CSMD2: variants seen among roughly 807,000 people sequenced by gnomAD.
CSMD2 encodes the protein CUB and sushi domain-containing protein 2.
CSMD2 carries 130 observed loss-of-function variants against 398.5 expected under a neutral mutation model. That is an observed-to-expected ratio of 0.33 (90% CI 0.28 to 0.38). The LOEUF (loss-of-function observed/expected upper bound fraction) is 0.38. Among genes scored for constraint, CSMD2 ranks in the 10% least tolerant of loss-of-function variants. The pLI is 1.00. For missense variants in CSMD2, 3,829 were observed against 4,764.9 expected (o/e 0.80, Z 5.78); for synonymous variants, 1,828 against 1,908.5 (o/e 0.96, Z 1.10).
At chr1:33,881,505 G>A (rs7554118) in intron 5 of CSMD2, among the ~76,000 whole-genome samples, 19,527 of 152,028 alleles carry the variant, frequency 0.13, 1,853 homozygotes, top group African/African-American at 0.27. Flanking sequence ...GCATAGTTAT[G>A]GTGTGTTTAC....
chr1:33,931,332 G>A (rs1283585742), intron 4 of CSMD2, among the ~76,000 whole-genome samples: 3 of 152,196 alleles, frequency 2.0e-5, no homozygotes, highest in Non-Finnish European at 2.9e-5. Context: ...TGTATGGTGG[G>A]TACCCTTTGT....
At chr1:33,898,280 A>G (rs1399349225) in intron 5 of CSMD2, among the ~76,000 whole-genome samples, 1 of 152,244 alleles carries the variant, frequency 6.6e-6, no homozygotes, top group African/African-American at 2.4e-5. Flanking sequence ...CCGAAGAGAT[A>G]AAGCACTGCA....
At chr1:33,904,475 C>T (rs941769235) in intron 5 of CSMD2, among the ~76,000 whole-genome samples, 2 of 152,204 alleles carry the variant, frequency 1.3e-5, no homozygotes, top group Non-Finnish European at 2.9e-5. Flanking sequence ...CTTGTCGCTA[C>T]TGTTCCATTT....
chr1:33,633,483 C>T lies in CSMD2; in HGVS notation c.5139G>A (p.Glu1713=), dbSNP rs1374063848. 1.3e-5 allele frequency: 20 copies of T among 1,554,444 alleles called. No homozygotes were observed. The highest frequency in any genetic ancestry group is 2.4e-5 in the East Asian group (1 of 41,312). Residue 1713 remains glutamate, a synonymous_variant, in exon 32 of 71, where the codon GAG becomes GAA. Transcript: ENST00000373381. The surrounding 1 kb of genome is among the most constrained non-coding windows in gnomAD (Gnocchi z 5.0). The part of the protein sequence containing the change: ...FFHTALNDVV[E]VHDGHSQHSR... ...AGTGCTGGCTGTGGCCGTCGTGAAC[C>T]TCCACCACGTCGTTGAGGGCCGTGT...
At chr1:33,665,132 G>A (rs1376413034) in intron 25 of CSMD2, among the ~76,000 whole-genome samples, 1 of 152,132 alleles carries the variant, frequency 6.6e-6, no homozygotes, top group East Asian at 1.9e-4. Flanking sequence ...CTTAATTGAT[G>A]GATGCAAACT....
intron 2 of CSMD2, among the ~76,000 whole-genome samples, chr1:34,066,718 A>G (rs999104337): frequency 6.6e-6 from 1 of 152,084 alleles, no homozygotes; most frequent in East Asian, 1.9e-4. Flanking sequence ...TGGACCAGCC[A>G]GGGGGTTGGG....
intron 3 of CSMD2, among the ~76,000 whole-genome samples, chr1:34,029,137 C>A (rs938252437): frequency 1.3e-5 from 2 of 152,134 alleles, no homozygotes; most frequent in Non-Finnish European, 2.9e-5. Context: ...TATAAGGAAA[C>A]CATCCTGACT....
chr1:33,523,861 C>T (rs986793735), intron 66 of CSMD2, among the ~76,000 whole-genome samples: 4 of 152,152 alleles, frequency 2.6e-5, no homozygotes, highest in Non-Finnish European at 5.9e-5. Context: ...CGTATGAATG[C>T]GTAGATAGGA....
intron 3 of CSMD2, among the ~76,000 whole-genome samples, chr1:34,005,133 G>A (rs1474375971): frequency 2.0e-5 from 3 of 152,146 alleles, no homozygotes; most frequent in Non-Finnish European, 2.9e-5. Context: ...AATTAGATAC[G>A]AGAGAGAGAA....
Position 33,546,087 on chromosome 1 carries a change from C to T in CSMD2, c.9050G>A (p.Arg3017His), listed in dbSNP as rs141501767. 1.9e-6 allele frequency: 3 copies of T among 1,613,960 alleles called. No individual in the cohort carries two copies. The highest frequency in any genetic ancestry group is 2.2e-5 in the East Asian group (1 of 44,896). Residue 3017 changes from arginine to histidine, a missense_variant, in exon 57 of 71, where the codon CGC (arginine) becomes CAC (histidine). Physicochemically the swap from Arg to His is conservative, Grantham distance 29. Around this residue, in one of 5 missense-constraint regions of CSMD2, gnomAD observed 917 missense variants for 1,199.5 expected, o/e 0.76. Coordinates refer to ENST00000373381, the MANE Select transcript of CSMD2 (RefSeq NM_001281956.2). ...AGHVLRGSSE[R>H]TCQANGSWSG... Reference sequence around the variant, plus strand: ...CCACGAGCCATTGGCTTGACAGGTGCGCTCTGACGATCCCCGGAGCACGTG... The same window carrying T: ...CCACGAGCCATTGGCTTGACAGGTGTGCTCTGACGATCCCCGGAGCACGTG...
intron 53 of CSMD2, among the ~76,000 whole-genome samples, chr1:33,564,188 T>C (rs1344762517): frequency 6.6e-6 from 1 of 152,220 alleles, no homozygotes; most frequent in East Asian, 1.9e-4. Flanking sequence ...TATTTAATGC[T>C]CCCAGTAGTC....
At chr1:33,684,282 T>C (rs1285538268) in intron 25 of CSMD2, among the ~76,000 whole-genome samples, 1 of 152,190 alleles carries the variant, frequency 6.6e-6, no homozygotes, top group Non-Finnish European at 1.5e-5. Flanking sequence ...CAGTTTTCCC[T>C]GTGTGTTAAT....
chr1:34,073,066 C>G (rs561838433), intron 2 of CSMD2, among the ~76,000 whole-genome samples: 1 of 152,308 alleles, frequency 6.6e-6, no homozygotes, highest in African/African-American at 2.4e-5. Flanking sequence ...AGTAACCCCA[C>G]AAAACAGGCC....
chr1:34,038,222 C>G (rs1228990718), intron 2 of CSMD2, among the ~76,000 whole-genome samples: 3 of 152,174 alleles, frequency 2.0e-5, no homozygotes, highest in Non-Finnish European at 4.4e-5. Context: ...ACTTTCCCAT[C>G]TTTTATCTGA....
chr1:33,886,969 T>G (rs141064756), intron 5 of CSMD2, among the ~76,000 whole-genome samples: 2 of 152,130 alleles, frequency 1.3e-5, no homozygotes, highest in African/African-American at 4.8e-5. Flanking sequence ...ACACTGAGAC[T>G]CAGAGGTTTT....
chr1:33,573,916 G>GA (rs969442334), intron 49 of CSMD2, among the ~76,000 whole-genome samples: 99 of 150,678 alleles, frequency 6.6e-4, no homozygotes, highest in African/African-American at 2.0e-3. Context: ...TAGAAAGAGG[G>GA]AAAAAAAAAT....
At chr1:33,593,916 G>A (rs1175273514) in intron 44 of CSMD2, among the ~76,000 whole-genome samples, 1 of 152,044 alleles carries the variant, frequency 6.6e-6, no homozygotes, top group African/African-American at 2.4e-5. Flanking sequence ...AGTGACTAAA[G>A]TATATGTTCA....
chr1:33,693,184 C>A, intron 24 of CSMD2, 128 bp from the exon 25 acceptor site: 12 of 1,098,154 alleles, frequency 1.1e-5, no homozygotes, highest in Non-Finnish European at 1.5e-5. Flanking sequence ...TGATTGAGCA[C>A]AGCATATTAA....
intron 1 of CSMD2, among the ~76,000 whole-genome samples, chr1:34,135,691 C>G (rs1463259393): frequency 6.8e-6 from 1 of 147,058 alleles, no homozygotes; most frequent in Non-Finnish European, 1.5e-5. Flanking sequence ...CATGTAGCCA[C>G]TAAGAGGAAT....
Sources: gnomAD v4.1 joint callset for allele counts (sites outside exome capture counted in the v4.1 genomes callset) on GRCh38, gnomAD v4.1.1 for gene constraint, gnomAD v4.1.1 regional missense constraint, Gnocchi (gnomAD v3.1) non-coding constraint, MANE v1.5 for transcripts, NCBI Gene and HGNC (gene_info 2026-07-23, HGNC 2026-07-21) for gene names.